OTOA: variants seen among roughly 807,000 people sequenced by gnomAD.
The protein encoded by OTOA is otoancorin, also known as cancer/testis antigen 108.
OTOA carries 70 observed loss-of-function variants against 110.8 expected under a neutral mutation model. The observed-to-expected ratio is 0.63, with a 90% CI of 0.52 to 0.77. OTOA has a LOEUF of 0.77. Ranked by LOEUF, OTOA falls within the 30% of genes least tolerant of loss-of-function variation. OTOA has a pLI of 0.00. For synonymous variants in OTOA, 373 were observed against 431.5 expected, an observed-to-expected ratio of 0.86 and a Z score of 1.68; for missense variants, 917 against 1,075.8, an observed-to-expected ratio of 0.85 and a Z score of 2.06.
intron 28 of OTOA, among the ~76,000 whole-genome samples, chr16:21,759,335 C>G (rs1172940696): frequency 2.0e-5 from 3 of 152,060 alleles, no homozygotes; most frequent in Non-Finnish European, 4.4e-5. Flanking sequence ...TATTCTGCAC[C>G]TTGTATTTTT....
chr16:21,725,642 A>AG (rs1351666074), intron 18 of OTOA, among the ~76,000 whole-genome samples: 1 of 152,178 alleles, frequency 6.6e-6, no homozygotes, highest in Non-Finnish European at 1.5e-5. Context: ...CTTGGGATAA[A>AG]GAAAAAAAGG....
chr16:21,710,150 A>G, intron 13 of OTOA, 47 bp downstream of exon 13: 1 of 1,509,132 alleles, frequency 6.6e-7, no homozygotes. Flanking sequence ...AGATGACCTA[A>G]GTGTATTAGA....
chr16:21,734,697 C>T (rs1334355179), intron 21 of OTOA, among the ~76,000 whole-genome samples: 3 of 151,780 alleles, frequency 2.0e-5, no homozygotes, highest in African/African-American at 4.8e-5. Flanking sequence ...ATTAGCCGGG[C>T]GTGGTGGTGG....
At chr16:21,677,864 T>C (rs185494400) in intron 1 of OTOA, among the ~76,000 whole-genome samples, 12 of 151,604 alleles carry the variant, frequency 7.9e-5, no homozygotes, top group Admixed American at 3.3e-4. Context: ...GTATTCTGGA[T>C]ATAAATTTCT....
intron 6 of OTOA, chr16:21,684,575 C>G: frequency 6.5e-7 from 1 of 1,534,026 alleles, no homozygotes; most frequent in Non-Finnish European, 8.8e-7. Context: ...ATGGGGGAAT[C>G]GGGCTGGCTG....
chr16:21,682,765 T>G (rs1279133225), intron 6 of OTOA, among the ~76,000 whole-genome samples: 1 of 145,262 alleles, frequency 6.9e-6, no homozygotes, highest in Non-Finnish European at 1.5e-5. Context: ...ATGAATAAAG[T>G]TCTGACATAT....
rs1318529910 is a variant in OTOA at position 21,760,686 on chromosome 16, C to T, written c.*146C>T. 4.3e-5 allele frequency: 23 copies of T among 535,504 alleles called. No individual in the cohort carries two copies. The highest frequency in any genetic ancestry group is 6.6e-5 in the Non-Finnish European group (20 of 302,762). 33.2% of individuals were successfully genotyped at this position (535,504 alleles called of 1,614,324 possible). A position where few individuals can be genotyped will look rare whatever the true frequency, so the allele number is the denominator to read the frequency against. On this transcript the variant is annotated 3_prime_UTR_variant, in exon 29 of 29. Coordinates refer to ENST00000646100, the MANE Select transcript of OTOA (RefSeq NM_144672.4). Reference sequence around the variant, plus strand: ...CCCTGGGGCCTTGATGGTGAAAATGCACCCCAAATGAAAAATAATTATTAA... The same window carrying T: ...CCCTGGGGCCTTGATGGTGAAAATGTACCCCAAATGAAAAATAATTATTAA...
At chr16:21,691,538 C>A (rs1241139425) in intron 8 of OTOA, 46 bp from the exon 9 acceptor site, 15 of 1,508,466 alleles carry the variant, frequency 9.9e-6, no homozygotes, top group Non-Finnish European at 1.4e-5. Flanking sequence ...TTAATGCAGC[C>A]CCCACCTGCT....
intron 20 of OTOA, chr16:21,730,573 T>C: frequency 2.4e-6 from 1 of 413,804 alleles, no homozygotes; most frequent in Non-Finnish European, 4.7e-6. Flanking sequence ...CTTGGTAATA[T>C]GAATGTCCTC....
Position 21,678,622 on chromosome 16 carries a change from G to T in OTOA, c.91+17G>T. Reference sequence around the variant, plus strand: ...CCAGGCAGGGTAAGTCCTGAGGGAAGAATCACCCTTTGTGGTTTCCACACA... The same window carrying T: ...CCAGGCAGGGTAAGTCCTGAGGGAATAATCACCCTTTGTGGTTTCCACACA... On this transcript the variant is annotated intron_variant, in intron 2 of 28. Transcript: ENST00000646100. 1 of 1,602,724 alleles carries T rather than the reference G, an allele frequency of 6.2e-7. No individual in the cohort carries two copies. Among genetic ancestry groups the T allele is most frequent in the East Asian group, 2.2e-5 (1 of 44,790 alleles).
intron 18 of OTOA, 113 bp from the exon 19 acceptor site, chr16:21,726,410 C>A: frequency 6.8e-7 from 1 of 1,472,614 alleles, no homozygotes; most frequent in Non-Finnish European, 9.5e-7. Flanking sequence ...CTGGGAAGAA[C>A]AAACATTTAA....
At chr16:21,717,737 A>G (rs1159015389) in intron 15 of OTOA, among the ~76,000 whole-genome samples, 2 of 152,096 alleles carry the variant, frequency 1.3e-5, no homozygotes, top group Admixed American at 6.6e-5. Context: ...GTCAGTCTTC[A>G]TTACATGCAT....
intron 13 of OTOA, among the ~76,000 whole-genome samples, chr16:21,711,984 T>A (rs1427300465): frequency 6.6e-6 from 1 of 152,154 alleles, no homozygotes; most frequent in East Asian, 1.9e-4. Context: ...GTGAATTTAG[T>A]TTTAACTGTG....
chr16:21,705,142 A>G, intron 11 of OTOA, 27 bp from the exon 12 acceptor site: 1 of 1,614,162 alleles, frequency 6.2e-7, no homozygotes, highest in Non-Finnish European at 8.5e-7. Context: ...TTACACCTCC[A>G]CCACCATCCC....
rs143890524 is a variant in OTOA, at chr16:21,736,341, G to A, written c.2382G>A (p.Gln794=). ...AAGAATTCCTCTGGGCTGTCTTTCA[G>A]TCTGTTCGGAACAGCAGTGATAAGA... ...PTKEFLWAVF[Q]SVRNSSDKIP... Residue 794 remains glutamine, a synonymous_variant, in exon 22 of 29, where the codon CAG becomes CAA. Transcript: ENST00000646100. The A allele has an allele frequency of 6.6e-3, 10,306 of 1,567,196 alleles. No individual in the cohort carries two copies. The East Asian group carries it at 0.17, about 26-fold the overall frequency.
At chr16:21,756,656 C>T (rs1390546375) in intron 27 of OTOA, among the ~76,000 whole-genome samples, 1 of 152,024 alleles carries the variant, frequency 6.6e-6, no homozygotes, top group Non-Finnish European at 1.5e-5. Context: ...TTTCAACTCT[C>T]CATTAGTACT....
At chr16:21,669,725 A>G (rs767494613) in intron 1 of OTOA, among the ~76,000 whole-genome samples, 4 of 152,268 alleles carry the variant, frequency 2.6e-5, no homozygotes, top group Non-Finnish European at 5.9e-5. Context: ...ACTGCTATCA[A>G]TGACCAAGTT....
intron 21 of OTOA, among the ~76,000 whole-genome samples, chr16:21,733,586 T>C (rs1899187004): frequency 6.6e-6 from 1 of 150,748 alleles, no homozygotes; most frequent in Non-Finnish European, 1.5e-5. Flanking sequence ...GCATAGCTGT[T>C]TGTAGAGCCT....
At chr16:21,720,261 C>T (rs1898688582) in intron 17 of OTOA, among the ~76,000 whole-genome samples, 1 of 152,126 alleles carries the variant, frequency 6.6e-6, no homozygotes, top group Non-Finnish European at 1.5e-5. Context: ...CAGCCAGTGA[C>T]TGATTTTTCA....
Sources: allele counts gnomAD v4.1 joint callset (sites outside exome capture counted in the v4.1 genomes callset), GRCh38; gene constraint gnomAD v4.1.1; transcripts MANE v1.5; gene names NCBI Gene and HGNC (gene_info 2026-07-23, HGNC 2026-07-21).